The following KDM4B variants were observed in gnomAD, a reference collection of about 807,000 sequenced individuals.
KDM4B encodes the protein lysine-specific demethylase 4B.
In KDM4B, 32 loss-of-function variants were observed where a neutral mutation model predicts 125.2. The observed-to-expected ratio is 0.26, with a 90% confidence interval of 0.19 to 0.34. The LOEUF (loss-of-function observed/expected upper bound fraction) is 0.34, where lower values mean the gene tolerates loss of function less well. KDM4B is among the 10% of genes least tolerant of loss of function. The pLI, the probability that KDM4B is intolerant of heterozygous loss-of-function variation, is 1.00. For missense variants in KDM4B, 1,190 were observed against 1,577.7 expected, an observed-to-expected ratio of 0.75 and a Z score of 4.16; for synonymous variants, 721 against 677.9, an observed-to-expected ratio of 1.06 and a Z score of -0.99.
Position 5,082,192 on chromosome 19 carries a change from G to T in KDM4B, c.781-175G>T, listed in dbSNP as rs555184062. On this transcript the variant is annotated intron_variant, in intron 8 of 22. Coordinates refer to ENST00000159111, the MANE Select transcript of KDM4B (RefSeq NM_015015.3). This position sits in a 1 kb window ranked among gnomAD's most constrained non-coding sequence, Gnocchi z 5.4. ...GCTCACTATGTCCTTCATGAGCCGC[G>T]TGGGAAATGGGCTGGAGCCCTGGAG... 1.3e-5 allele frequency among the ~76,000 whole-genome samples: 2 copies of T among 152,194 alleles called. No individual in the cohort carries two copies. The highest frequency in any genetic ancestry group is 2.9e-5 in the Non-Finnish European group (2 of 68,024).
intron 2 of KDM4B, among the ~76,000 whole-genome samples, chr19:5,025,366 T>TC (rs967356992): frequency 6.6e-6 from 1 of 152,196 alleles, no homozygotes; most frequent in African/African-American, 2.4e-5. Context: ...CCCACAGGGT[T>TC]CCCGTGCTAA....
At chr19:5,004,348 G>A (rs534074372) in intron 1 of KDM4B, among the ~76,000 whole-genome samples, 7 of 152,204 alleles carry the variant, frequency 4.6e-5, no homozygotes, top group South Asian at 2.1e-4. Flanking sequence ...CTCCTCACCC[G>A]GCCTGGAGTG....
chr19:5,032,751 T>C, intron 2 of KDM4B, 115 bp from the exon 3 acceptor site: 1 of 986,012 alleles, frequency 1.0e-6, no homozygotes, highest in Non-Finnish European at 1.5e-6. Flanking sequence ...CCCAGCCGCC[T>C]TTGTCCTCCT....
chr19:5,041,554 C>T (rs1302311401), intron 5 of KDM4B, among the ~76,000 whole-genome samples: 1 of 152,254 alleles, frequency 6.6e-6, no homozygotes, highest in Non-Finnish European at 1.5e-5. Context: ...TTTCCCAGTC[C>T]CTGCCGCTCG....
At chr19:5,111,495 G>C in intron 10 of KDM4B, 1 of 765,246 alleles carries the variant, frequency 1.3e-6, no homozygotes, top group East Asian at 2.4e-5. Context: ...ATGGGGACAC[G>C]GAGGCAGGTC....
chr19:5,047,848 G>C (rs1216611914), intron 6 of KDM4B, among the ~76,000 whole-genome samples, 179 bp downstream of exon 6: 1 of 152,172 alleles, frequency 6.6e-6, no homozygotes, highest in African/African-American at 2.4e-5. Flanking sequence ...CTTTGGGGTG[G>C]GGGATGTGCA....
chr19:5,049,049 G>T (rs144172123), intron 6 of KDM4B, among the ~76,000 whole-genome samples: 75 of 152,218 alleles, frequency 4.9e-4, no homozygotes, highest in African/African-American at 1.7e-3. Context: ...GGCTGGGGGA[G>T]ACCCTGGGGC....
chr19:5,145,883 G>T (rs749112927), intron 21 of KDM4B, among the ~76,000 whole-genome samples: 1 of 152,222 alleles, frequency 6.6e-6, no homozygotes, highest in Non-Finnish European at 1.5e-5. Flanking sequence ...GTAAACATCG[G>T]AGTTCAGCTC....
chr19:5,093,408 T>C (rs1177483056), intron 9 of KDM4B, among the ~76,000 whole-genome samples: 1 of 152,132 alleles, frequency 6.6e-6, no homozygotes, highest in Non-Finnish European at 1.5e-5. Flanking sequence ...AGCCGCTTTC[T>C]GTGCTGCCAG....
In KDM4B at chr19:5,097,221, C is replaced by T. The variant is rs557861408; in HGVS notation, c.919-13401C>T. ...TAAAAGGCTGTAAAGCCCCACGTGG[C>T]GCATCAGTCGGCCATCCAGGCTTCG... On this transcript the variant is annotated intron_variant, in intron 9 of 22. Transcript: ENST00000159111. 6.6e-5 allele frequency among the ~76,000 whole-genome samples: 10 copies of T among 152,238 alleles called. No homozygotes were observed. The South Asian group carries it at 1.7e-3, about 25-fold the overall frequency.
At chr19:5,150,483 G>A (rs2039927620) in intron 22 of KDM4B, 33 bp downstream of exon 22, 6 of 1,489,012 alleles carry the variant, frequency 4.0e-6, no homozygotes, top group Non-Finnish European at 5.5e-6. Flanking sequence ...GTGGCTCCGG[G>A]TGACTCAGGG....
At chr19:5,127,819 C>T (rs2039474441) in intron 11 of KDM4B, among the ~76,000 whole-genome samples, 4 of 152,296 alleles carry the variant, frequency 2.6e-5, no homozygotes, top group African/African-American at 9.6e-5. Context: ...GCCTTGCCTC[C>T]CGAGCAGAAC....
chr19:5,045,901 C>T (rs371699994), intron 5 of KDM4B, among the ~76,000 whole-genome samples: 15 of 152,206 alleles, frequency 9.9e-5, no homozygotes, highest in East Asian at 7.7e-4. Flanking sequence ...TGAGCTACCG[C>T]GCCTGGCCAT....
Position 5,110,530 on chromosome 19 carries a change from C to T in KDM4B, c.919-92C>T, listed in dbSNP as rs546509928. 2.0e-4 allele frequency: 258 copies of T among 1,274,264 alleles called. 1 individual carries two copies. The South Asian group carries it at 2.9e-3, about 14-fold the overall frequency. 78.9% of individuals were successfully genotyped at this position (1,274,264 alleles called of 1,614,324 possible). On this transcript the variant is annotated intron_variant, in intron 9 of 22. Transcript: ENST00000159111. ...GCGGTGGGATGGGGTGTGGGAGGCCCGGGCCGTGAGCCCTACCTGCTCTGG... is the reference window on the plus strand; with the variant it reads ...GCGGTGGGATGGGGTGTGGGAGGCCTGGGCCGTGAGCCCTACCTGCTCTGG...
chr19:4,988,743 G>A (rs1369280383), intron 1 of KDM4B, among the ~76,000 whole-genome samples: 1 of 152,154 alleles, frequency 6.6e-6, no homozygotes, highest in Admixed American at 6.5e-5. Flanking sequence ...TGCTCTCCCC[G>A]GGCTGTGACG....
rs769675612 is a variant in KDM4B at position 5,114,086 on chromosome 19, C to T, written c.1115+3268C>T. On this transcript the variant is annotated intron_variant, in intron 10 of 22. Coordinates refer to ENST00000159111, the MANE Select transcript of KDM4B (RefSeq NM_015015.3). The surrounding 1 kb of genome is among the most constrained non-coding windows in gnomAD (Gnocchi z 5.8). ...GCTCCTGGCGGGTGCCCTCAGCCTC[C>T]CCACTCCCGGTGGCGCTGTGCGTTC... 7.8e-7 allele frequency: 1 copy of T among 1,289,444 alleles called. No individual in the cohort carries two copies. The highest frequency in any genetic ancestry group is 1.2e-5 in the South Asian group (1 of 80,998). 79.9% of individuals were successfully genotyped at this position (1,289,444 alleles called of 1,614,324 possible). A position where few individuals can be genotyped will look rare whatever the true frequency, so the allele number is the denominator to read the frequency against.
chr19:5,121,973 C>T (rs1030585308), intron 11 of KDM4B, among the ~76,000 whole-genome samples: 3 of 152,088 alleles, frequency 2.0e-5, no homozygotes, highest in African/African-American at 7.2e-5. Flanking sequence ...AGACCTCAGT[C>T]CCCTCCCTCC....
Position 5,001,152 on chromosome 19 carries a change from C to T in KDM4B, c.-108-15105C>T, listed in dbSNP as rs570380258. ...GTTCAAGTGATCCTGCCACTTCGGC[C>T]TCCTGACTTAGCTGAGACCACAGGT... On this transcript the variant is annotated intron_variant, in intron 1 of 22. Coordinates refer to ENST00000159111, the MANE Select transcript of KDM4B (RefSeq NM_015015.3). Among the ~76,000 whole-genome samples the T allele has an allele frequency of 1.5e-4, 23 of 152,068 alleles. No homozygotes were observed. The East Asian group carries it at 4.1e-3, about 27-fold the overall frequency.
At chr19:5,119,247 G>A (rs117709745) in intron 10 of KDM4B, 812 of 1,419,212 alleles carry the variant, frequency 5.7e-4, no homozygotes, top group Non-Finnish European at 7.3e-4. Context: ...TCCGTTTGTC[G>A]TCTAGGCATT....
Sources: gnomAD v4.1 joint callset for allele counts (sites outside exome capture counted in the v4.1 genomes callset) on GRCh38, gnomAD v4.1.1 for gene constraint, Gnocchi (gnomAD v3.1) non-coding constraint, MANE v1.5 for transcripts, NCBI Gene and HGNC (gene_info 2026-07-23, HGNC 2026-07-21) for gene names.